UNC13B: variants seen among roughly 807,000 people sequenced by gnomAD.
The protein encoded by UNC13B is unc-13 homolog B.
In UNC13B, 144 loss-of-function variants were observed where a neutral mutation model predicts 211.0. The observed-to-expected ratio is 0.68, with a 90% CI of 0.60 to 0.78. The LOEUF (loss-of-function observed/expected upper bound fraction) is 0.78, where lower values mean the gene tolerates loss of function less well. UNC13B is among the 30% of genes least tolerant of loss of function. The pLI, the probability that UNC13B is intolerant of heterozygous loss-of-function variation, is 0.00. For missense variants in UNC13B, 1,777 were observed against 2,002.0 expected (o/e 0.89, Z 2.14); for synonymous variants, 709 against 725.8 (o/e 0.98, Z 0.37).
intron 15 of UNC13B, among the ~76,000 whole-genome samples, 158 bp from the exon 16 acceptor site, chr9:35,377,310 C>A (rs2132229286): frequency 6.6e-6 from 1 of 152,330 alleles, no homozygotes; most frequent in Non-Finnish European, 1.5e-5. Flanking sequence ...GAAGGGGTGG[C>A]AAGTGCAGGT....
chr9:35,251,982 A>C (rs975619185), intron 6 of UNC13B, among the ~76,000 whole-genome samples: 1 of 152,084 alleles, frequency 6.6e-6, no homozygotes, highest in African/African-American at 2.4e-5. Flanking sequence ...TGGGACACCA[A>C]GCTCAGCTCC....
chr9:35,211,455 G>T (rs971001392), intron 1 of UNC13B, among the ~76,000 whole-genome samples: 1 of 152,082 alleles, frequency 6.6e-6, no homozygotes, highest in African/African-American at 2.4e-5. Flanking sequence ...TATTTTTATT[G>T]CATAGTATTT....
rs1053818332 is a variant in UNC13B at position 35,398,715 on chromosome 9, C to T, written c.11921+73C>T. 14 of 1,579,780 alleles carry T rather than the reference C, an allele frequency of 8.9e-6. No individual in the cohort carries two copies. The African/African-American group carries it at 1.6e-4, about 18-fold the overall frequency. ...AGCCAATCCCAGAGCCCTTGCCCCACACCTCTCCATATAGCTGCAGGTGTG... is the reference window on the plus strand; with the variant it reads ...AGCCAATCCCAGAGCCCTTGCCCCATACCTCTCCATATAGCTGCAGGTGTG... On this transcript the variant is annotated intron_variant, in intron 32 of 39. Coordinates refer to ENST00000635942, the MANE Select transcript of UNC13B (RefSeq NM_001371189.2).
intron 1 of UNC13B, among the ~76,000 whole-genome samples, chr9:35,185,267 G>A (rs1158377745): frequency 1.3e-5 from 2 of 152,190 alleles, no homozygotes; most frequent in East Asian, 3.8e-4. Context: ...GATATTATTT[G>A]TAGTTGGCTA....
chr9:35,208,430 A>G (rs1283653907), intron 1 of UNC13B, among the ~76,000 whole-genome samples: 8 of 152,278 alleles, frequency 5.3e-5, no homozygotes, highest in African/African-American at 1.9e-4. Flanking sequence ...CTGTTCTCGT[A>G]CTGCTATAAA....
intron 6 of UNC13B, among the ~76,000 whole-genome samples, chr9:35,253,741 A>G (rs1826653854): frequency 6.6e-6 from 1 of 152,158 alleles, no homozygotes; most frequent in Non-Finnish European, 1.5e-5. Flanking sequence ...GGTTTTCACT[A>G]TTATAAATGC....
intron 7 of UNC13B, among the ~76,000 whole-genome samples, chr9:35,260,384 A>G (rs1263913719): frequency 1.3e-5 from 2 of 152,240 alleles, no homozygotes; most frequent in African/African-American, 4.8e-5. Flanking sequence ...CTGAAGCATA[A>G]ATAGATTGAG....
chr9:35,283,997 C>T (rs944163465), intron 7 of UNC13B, among the ~76,000 whole-genome samples: 3 of 152,158 alleles, frequency 2.0e-5, no homozygotes, highest in Non-Finnish European at 4.4e-5. Context: ...TGGTGTTTCA[C>T]GCCTGTAATC....
chr9:35,275,006 A>G (rs1341230017), intron 7 of UNC13B, among the ~76,000 whole-genome samples: 2 of 152,180 alleles, frequency 1.3e-5, no homozygotes, highest in Non-Finnish European at 2.9e-5. Flanking sequence ...TTAAAGTTGT[A>G]GAATGTATTG....
At chr9:35,214,671 G>C (rs1206559164) in intron 1 of UNC13B, among the ~76,000 whole-genome samples, 1 of 152,016 alleles carries the variant, frequency 6.6e-6, no homozygotes, top group Non-Finnish European at 1.5e-5. Flanking sequence ...CTCTAGGGGG[G>C]AAAAAGGAGA....
At chr9:35,260,080 T>A (rs925421277) in intron 7 of UNC13B, among the ~76,000 whole-genome samples, 5 of 132,238 alleles carry the variant, frequency 3.8e-5, no homozygotes, top group African/African-American at 1.4e-4. Flanking sequence ...TGTGATGGCA[T>A]GTGCCTGTAG....
In UNC13B at chr9:35,398,228, C is replaced by A; in HGVS notation, c.11772C>A (p.Asn3924Lys). Residue 3924 changes from asparagine (N) to lysine (K), a missense_variant, in exon 31 of 40, where the codon AAC becomes AAA. Asn to Lys is a moderately conservative substitution (Grantham distance 94). Coordinates refer to ENST00000635942, the MANE Select transcript of UNC13B (RefSeq NM_001371189.2). ...TKEKLPCILMNNVQQLRVQLE... is the reference protein window; with the variant it reads ...TKEKLPCILMKNVQQLRVQLE... ...CCCCAAAGCCCTGCATCCTGATGAA[C>A]AACGTGCAGCAACTGAGGGTCCAGC... 6.2e-7 allele frequency: 1 copy of A among 1,613,842 alleles called. No individual in the cohort carries two copies. Among genetic ancestry groups the A allele is most frequent in the Non-Finnish European group, 8.5e-7 (1 of 1,179,904 alleles).
rs531617186 is a variant in UNC13B at position 35,294,796 on chromosome 9, G to T, written c.527-900G>T. 6.6e-4 allele frequency among the ~76,000 whole-genome samples: 101 copies of T among 152,226 alleles called. 1 individual carries two copies. The highest frequency in any genetic ancestry group is 2.2e-3 in the African/African-American group (92 of 41,516). On this transcript the variant is annotated intron_variant, in intron 7 of 39. Coordinates refer to ENST00000635942, the MANE Select transcript of UNC13B (RefSeq NM_001371189.2). ...ATACGACTTCCTCTCTGTAAAACAG[G>T]CTTCAAAGCACTCTTAGGTTGAGCT...
Position 35,381,109 on chromosome 9 carries a change from C to T in UNC13B, c.10385C>T (p.Thr3462Ile). ...MDVWYNLEKR[T>I]DKSAVSGAIR... is the part of the protein sequence containing the mutation. The stretch of plus-strand genomic sequence containing the variant: ...CTTCTTTCCTTCCTAGAGAAGAGGA[C>T]AGACAAATCAGCCGTCTCAGGGGCT... Residue 3462 changes from threonine (T) to isoleucine (I), a missense_variant, in exon 19 of 40, where the codon ACA becomes ATA. Physicochemically the swap from Thr to Ile is moderately conservative, Grantham distance 89. Transcript: ENST00000635942. 6 of 1,613,902 alleles carry T rather than the reference C, an allele frequency of 3.7e-6. No individual in the cohort carries two copies. Among genetic ancestry groups the T allele is most frequent in the Non-Finnish European group, 5.1e-6 (6 of 1,179,892 alleles).
chr9:35,369,588 G>A (rs1469149745), intron 12 of UNC13B, among the ~76,000 whole-genome samples: 7 of 152,240 alleles, frequency 4.6e-5, no homozygotes, highest in Non-Finnish European at 2.9e-5. Context: ...TGCTGTAGCT[G>A]TAATTTTTCT....
At chr9:35,269,051 G>T (rs1827732568) in intron 7 of UNC13B, among the ~76,000 whole-genome samples, 1 of 152,162 alleles carries the variant, frequency 6.6e-6, no homozygotes, top group Non-Finnish European at 1.5e-5. Flanking sequence ...AGTGTCTCAT[G>T]ACTTAATTCT....
intron 11 of UNC13B, among the ~76,000 whole-genome samples, chr9:35,335,709 T>A (rs1831613749): frequency 6.9e-6 from 1 of 145,048 alleles, no homozygotes; most frequent in South Asian, 2.3e-4. Flanking sequence ...TTTTTTTTTT[T>A]AAAGGGGTCT....
intron 7 of UNC13B, among the ~76,000 whole-genome samples, chr9:35,292,237 A>G (rs562626249): frequency 1.3e-5 from 2 of 152,082 alleles, no homozygotes; most frequent in East Asian, 1.9e-4. Context: ...ATTTTTCTGT[A>G]TTTCACTGGA....
At chr9:35,363,576 A>C (rs1488580285) in intron 11 of UNC13B, among the ~76,000 whole-genome samples, 1 of 152,138 alleles carries the variant, frequency 6.6e-6, no homozygotes, top group African/African-American at 2.4e-5. Flanking sequence ...GAACCTGTGA[A>C]TTCGATTCTT....
Sources: gnomAD v4.1 joint callset for allele counts (sites outside exome capture counted in the v4.1 genomes callset) on GRCh38, gnomAD v4.1.1 for gene constraint, MANE v1.5 for transcripts, NCBI Gene and HGNC (gene_info 2026-07-23, HGNC 2026-07-21) for gene names.